SPON1: variants seen among roughly 807,000 people sequenced by gnomAD.
SPON1 encodes spondin 1, also known as spondin-1.
A neutral mutation model predicts 111.7 loss-of-function variants in SPON1; 52 were observed. That is an observed-to-expected ratio of 0.47 (90% CI 0.37 to 0.59). The LOEUF is 0.59. Ranked by LOEUF, SPON1 falls within the 20% of genes least tolerant of loss-of-function variation. The pLI is 0.00. For synonymous variants in SPON1, 410 were observed against 395.8 expected (o/e 1.04, Z -0.43); for missense variants, 957 against 1,068.5 (o/e 0.90, Z 1.46).
intron 6 of SPON1, among the ~76,000 whole-genome samples, chr11:14,176,729 G>C (rs776077727): frequency 1.3e-5 from 2 of 152,182 alleles, no homozygotes; most frequent in African/African-American, 4.8e-5. Context: ...CCAGTAGAGA[G>C]AGTACCAGAG....
In SPON1 at chr11:14,122,933, A is replaced by ATTTTTT. The variant is rs34948884; in HGVS notation, c.677-12474_677-12469dup. Among the ~76,000 whole-genome samples, 241 of 132,552 alleles carry ATTTTTT rather than the reference A, an allele frequency of 1.8e-3. 2 individuals are homozygous for ATTTTTT. The highest frequency in any genetic ancestry group is 6.3e-3 in the African/African-American group (221 of 35,010). 87.0% of individuals were successfully genotyped at this position (132,552 alleles called of 152,430 possible). ...TTCCTGCCTTTATACTGCTCTTGTA[A>ATTTTTT]TTTTTTTTTTTTTTTTTTGAGACAG... On this transcript the variant is annotated intron_variant, in intron 5 of 15. Coordinates refer to ENST00000576479, the MANE Select transcript of SPON1 (RefSeq NM_006108.4).
At chr11:13,975,961 T>C (rs1006091747) in intron 1 of SPON1, among the ~76,000 whole-genome samples, 1 of 152,170 alleles carries the variant, frequency 6.6e-6, no homozygotes, top group Non-Finnish European at 1.5e-5. Context: ...CCATCATAAA[T>C]ACTACCACCA....
intron 6 of SPON1, among the ~76,000 whole-genome samples, chr11:14,148,366 C>A (rs553285649): frequency 6.6e-6 from 1 of 151,972 alleles, no homozygotes; most frequent in Non-Finnish European, 1.5e-5. Flanking sequence ...TAAGAGATTG[C>A]GGAAAACGAA....
Position 14,066,700 on chromosome 11 carries a change from C to A in SPON1, c.480-8645C>A, listed in dbSNP as rs1232956825. 3.3e-5 allele frequency among the ~76,000 whole-genome samples: 5 copies of A among 152,236 alleles called. No homozygotes were observed. The South Asian group carries it at 8.3e-4, about 25-fold the overall frequency. ...TTCCTGTCAAACTCCTACTCACAAC[C>A]CCCACCCCACCTTTCCTTTACAGCC... On this transcript the variant is annotated intron_variant, in intron 3 of 15. Transcript: ENST00000576479.
intron 1 of SPON1, among the ~76,000 whole-genome samples, chr11:13,972,910 G>T (rs1848074353): frequency 6.6e-6 from 1 of 152,062 alleles, no homozygotes; most frequent in Admixed American, 6.5e-5. Context: ...AGGCATAAAT[G>T]GGTCTAGTGA....
At chr11:14,194,528 TCA>T (rs372569370) in intron 6 of SPON1, among the ~76,000 whole-genome samples, 11,447 of 106,496 alleles carry the variant, frequency 0.11, 480 homozygotes, top group East Asian at 0.17. Context: ...TAGGCCTACT[TCA>T]CACACACACA....
intron 1 of SPON1, among the ~76,000 whole-genome samples, chr11:13,977,207 T>G (rs1848109804): frequency 6.6e-6 from 1 of 152,216 alleles, no homozygotes; most frequent in South Asian, 2.1e-4. Flanking sequence ...TTTCTGTTGA[T>G]TTAAGATGGT....
intron 6 of SPON1, among the ~76,000 whole-genome samples, chr11:14,193,253 TA>T (rs1220049439): frequency 6.6e-6 from 1 of 152,180 alleles, no homozygotes; most frequent in East Asian, 1.9e-4. Context: ...CCTGAGATTC[TA>T]AGATCAGAAC....
Position 14,259,397 on chromosome 11 carries a change from T to G in SPON1, c.1610T>G (p.Val537Gly). Residue 537 changes from valine to glycine, a missense_variant, in exon 12 of 16, where the codon GTG becomes GGG. Physicochemically the swap from Val to Gly is moderately radical, Grantham distance 109. Transcript: ENST00000576479. The surrounding 1 kb of genome is among the most constrained non-coding windows in gnomAD (Gnocchi z 5.0). ...YVKQFPEDGS[V>G]CTLPTEETEK... ...AAGCAGTTCCCGGAGGACGGCTCCG[T>G]GTGCACGCTGCCCACTGAGGAAACG... The G allele has an allele frequency of 1.9e-6, 3 of 1,611,422 alleles. No homozygotes were observed. The highest frequency in any genetic ancestry group is 2.5e-6 in the Non-Finnish European group (3 of 1,179,042).
chr11:14,089,378 ACAGT>A (rs1554923041), intron 5 of SPON1, among the ~76,000 whole-genome samples: 1 of 151,944 alleles, frequency 6.6e-6, no homozygotes, highest in Non-Finnish European at 1.5e-5. Context: ...TTTCCTTCTA[ACAGT>A]CAGGCTCCTC....
At chr11:14,067,642 G>A (rs1554920495) in intron 3 of SPON1, among the ~76,000 whole-genome samples, 3 of 152,172 alleles carry the variant, frequency 2.0e-5, no homozygotes, top group South Asian at 2.1e-4. Flanking sequence ...CGAAGTTCCT[G>A]TCCCTGGTTT....
intron 2 of SPON1, among the ~76,000 whole-genome samples, chr11:14,001,579 C>T (rs1486200350): frequency 6.6e-6 from 1 of 152,080 alleles, no homozygotes; most frequent in African/African-American, 2.4e-5. Flanking sequence ...AAGATTCTGC[C>T]CCAATAAAAT....
At chr11:14,032,124 T>C (rs898024013) in intron 2 of SPON1, among the ~76,000 whole-genome samples, 6 of 152,168 alleles carry the variant, frequency 3.9e-5, no homozygotes, top group Non-Finnish European at 7.3e-5. Flanking sequence ...GATTGTACAT[T>C]AAATGGAAAA....
At chr11:14,189,706 ATAAACT>A (rs1265650510) in intron 6 of SPON1, among the ~76,000 whole-genome samples, 1 of 152,238 alleles carries the variant, frequency 6.6e-6, no homozygotes, top group African/African-American at 2.4e-5. Flanking sequence ...GTTCATCTAC[ATAAACT>A]TAAGGAAGAG....
At chr11:14,125,322 A>T (rs1554926905) in intron 5 of SPON1, among the ~76,000 whole-genome samples, 1 of 152,240 alleles carries the variant, frequency 6.6e-6, no homozygotes, top group Non-Finnish European at 1.5e-5. Flanking sequence ...TCTGTTGGTC[A>T]CTGGCCACAT....
At chr11:14,131,003 A>G (rs756692903) in intron 5 of SPON1, among the ~76,000 whole-genome samples, 4 of 152,202 alleles carry the variant, frequency 2.6e-5, no homozygotes, top group Non-Finnish European at 5.9e-5. Context: ...AAACCATATC[A>G]GCTTAATACA....
rs543487957 is a variant in SPON1, at chr11:14,040,354, G to A, written c.346-1167G>A. On this transcript the variant is annotated intron_variant, in intron 2 of 15. Coordinates refer to ENST00000576479, the MANE Select transcript of SPON1 (RefSeq NM_006108.4). ...ATTTACATGTAGTAACAATGATATAGCTCAAAAGTGTAAAGTTGAATGAAA... is the reference window on the plus strand; with the variant it reads ...ATTTACATGTAGTAACAATGATATAACTCAAAAGTGTAAAGTTGAATGAAA... Among the ~76,000 whole-genome samples the A allele has an allele frequency of 2.6e-5, 4 of 152,186 alleles. No homozygotes were observed. In the South Asian group the frequency reaches 6.2e-4, roughly 24 times the overall value.
At chr11:14,185,908 C>A (rs935504564) in intron 6 of SPON1, among the ~76,000 whole-genome samples, 1 of 152,190 alleles carries the variant, frequency 6.6e-6, no homozygotes, top group Non-Finnish European at 1.5e-5. Flanking sequence ...GACTGGGCAA[C>A]CTTTCAATGC....
At chr11:14,084,167 T>C (rs1564901187) in intron 5 of SPON1, among the ~76,000 whole-genome samples, 1 of 152,158 alleles carries the variant, frequency 6.6e-6, no homozygotes, top group Non-Finnish European at 1.5e-5. Context: ...CTGGGATATG[T>C]GTGCAGAATG....
Sources: gnomAD v4.1 joint callset for allele counts (sites outside exome capture counted in the v4.1 genomes callset) on GRCh38, gnomAD v4.1.1 for gene constraint, Gnocchi (gnomAD v3.1) non-coding constraint, MANE v1.5 for transcripts, NCBI Gene and HGNC (gene_info 2026-07-23, HGNC 2026-07-21) for gene names.